IGSF21: variants seen among roughly 807,000 people sequenced by gnomAD.
IGSF21 encodes immunoglobulin superfamily member 21.
Under a neutral mutation model 46.8 loss-of-function variants are expected in IGSF21, and 28 were observed. That is an observed-to-expected ratio of 0.60 (90% CI 0.44 to 0.82). The LOEUF (loss-of-function observed/expected upper bound fraction) is 0.82. IGSF21 is among the 40% of genes least tolerant of loss of function. The pLI, the probability that IGSF21 is intolerant of heterozygous loss-of-function variation, is 0.00. For synonymous variants in IGSF21, 284 were observed against 273.6 expected (o/e 1.04, Z -0.38); for missense variants, 624 against 665.5 (o/e 0.94, Z 0.69).
At chr1:18,263,510 G>A (rs192179708) in intron 2 of IGSF21, among the ~76,000 whole-genome samples, 22 of 152,024 alleles carry the variant, frequency 1.4e-4, no homozygotes, top group African/African-American at 3.1e-4. Context: ...TTGGGACTCC[G>A]GTTTTTATTT....
Position 18,136,732 on chromosome 1 carries a change from C to T in IGSF21, c.70+28534C>T, listed in dbSNP as rs565853158. Among the ~76,000 whole-genome samples the T allele has an allele frequency of 1.1e-3, 164 of 152,190 alleles. 1 individual carries two copies. The highest frequency in any genetic ancestry group is 3.5e-3 in the African/African-American group (146 of 41,522). ...TTCTTTTGGCTTAGGATTGACTTGG[C>T]GATGCGGGCTCTTTTTTGGTTCCAT... On this transcript the variant is annotated intron_variant, in intron 1 of 9. Transcript: ENST00000251296.
At chr1:18,154,842 C>T (rs1432592582) in intron 1 of IGSF21, among the ~76,000 whole-genome samples, 2 of 151,828 alleles carry the variant, frequency 1.3e-5, no homozygotes, top group Non-Finnish European at 2.9e-5. Flanking sequence ...ACTTCCCTTT[C>T]ACTTCCCTAG....
chr1:18,358,032 A>G (rs936536936), intron 4 of IGSF21, among the ~76,000 whole-genome samples: 1 of 136,438 alleles, frequency 7.3e-6, no homozygotes, highest in Admixed American at 6.9e-5. Flanking sequence ...GCAGATCTCC[A>G]GAGAGAGAGA....
chr1:18,180,884 A>T (rs1249803260), intron 1 of IGSF21, among the ~76,000 whole-genome samples: 1 of 152,212 alleles, frequency 6.6e-6, no homozygotes, highest in Admixed American at 6.5e-5. Flanking sequence ...TTGTGGTAAG[A>T]GGCGGATCAG....
chr1:18,247,004 G>A (rs558922875), intron 2 of IGSF21, among the ~76,000 whole-genome samples: 9 of 151,982 alleles, frequency 5.9e-5, no homozygotes, highest in Admixed American at 3.3e-4. Flanking sequence ...AAACTGAGGC[G>A]CAGAGACGTG....
intron 6 of IGSF21, among the ~76,000 whole-genome samples, chr1:18,372,544 G>GGATGGATGGATGGATGTTTT (rs2086234969): frequency 6.6e-6 from 1 of 151,236 alleles, no homozygotes; most frequent in Non-Finnish European, 1.5e-5. Context: ...ATGGATGGAT[G>GGATGGATGGATGGATGTTTT]GATGGATGGA....
chr1:18,287,073 T>C (rs912453897), intron 2 of IGSF21, among the ~76,000 whole-genome samples: 2 of 150,414 alleles, frequency 1.3e-5, no homozygotes, highest in South Asian at 2.1e-4. Context: ...CCCAGCTACT[T>C]GGGAGGCTGA....
chr1:18,364,494 G>GC (rs1370384481), intron 5 of IGSF21, among the ~76,000 whole-genome samples: 5 of 133,594 alleles, frequency 3.7e-5, no homozygotes, highest in African/African-American at 1.1e-4. Context: ...TCCCTCTCCC[G>GC]CCCCCCTATC....
intron 1 of IGSF21, among the ~76,000 whole-genome samples, chr1:18,184,061 T>C (rs1311119188): frequency 1.3e-5 from 2 of 151,908 alleles, no homozygotes; most frequent in African/African-American, 2.4e-5. Flanking sequence ...GGTTCTGGAG[T>C]CTGGGTTCAC....
intron 3 of IGSF21, among the ~76,000 whole-genome samples, chr1:18,315,577 G>GGATGGATGGATGGA (rs1557639960): frequency 8.4e-5 from 2 of 23,840 alleles, no homozygotes; most frequent in Admixed American, 3.9e-4. Flanking sequence ...GGATGGATGG[G>GGATGGATGGATGGA]TGGATGGGTA....
At chr1:18,267,709 G>T (rs1053522468) in intron 2 of IGSF21, among the ~76,000 whole-genome samples, 8 of 152,178 alleles carry the variant, frequency 5.3e-5, no homozygotes, top group Non-Finnish European at 1.2e-4. Flanking sequence ...TGCTTTCCTT[G>T]GACCATGCCT....
At chr1:18,248,766 T>G (rs1004246347) in intron 2 of IGSF21, among the ~76,000 whole-genome samples, 8 of 152,124 alleles carry the variant, frequency 5.3e-5, no homozygotes, top group Admixed American at 2.0e-4. Context: ...GGCCCTGTGC[T>G]AGTTGCTGAG....
chr1:18,213,545 A>G (rs2084413212), intron 1 of IGSF21, among the ~76,000 whole-genome samples: 1 of 152,174 alleles, frequency 6.6e-6, no homozygotes, highest in African/African-American at 2.4e-5. Flanking sequence ...GCCAAGCAGG[A>G]AAGTCATATT....
intron 1 of IGSF21, among the ~76,000 whole-genome samples, chr1:18,146,623 G>A (rs188918607): frequency 2.1e-3 from 326 of 152,276 alleles, no homozygotes; most frequent in African/African-American, 7.1e-3. Flanking sequence ...TAGTAGGAGA[G>A]GAACTGAGCG....
At chr1:18,279,716 G>A (rs1034693416) in intron 2 of IGSF21, among the ~76,000 whole-genome samples, 3 of 152,240 alleles carry the variant, frequency 2.0e-5, no homozygotes, top group Non-Finnish European at 2.9e-5. Context: ...CCCAGGAACA[G>A]CCGGCAGATG....
At chr1:18,278,914 G>A (rs775240131) in intron 2 of IGSF21, 1 of 471,582 alleles carries the variant, frequency 2.1e-6, no homozygotes, top group Non-Finnish European at 4.4e-6. Flanking sequence ...TTGCCTTAAA[G>A]ATTTTTACAC....
intron 2 of IGSF21, among the ~76,000 whole-genome samples, chr1:18,241,503 A>T (rs2084727568): frequency 6.6e-6 from 1 of 152,068 alleles, no homozygotes; most frequent in Non-Finnish European, 1.5e-5. Flanking sequence ...AAACTTCAAA[A>T]CCCAACTCTC....
At chr1:18,277,333 C>T (rs186254936) in intron 2 of IGSF21, among the ~76,000 whole-genome samples, 277 of 152,268 alleles carry the variant, frequency 1.8e-3, no homozygotes, top group Non-Finnish European at 2.4e-3. Flanking sequence ...GTGCCAGGCA[C>T]GGAGCACTTG....
chr1:18,217,053 A>T (rs553777782), intron 1 of IGSF21, among the ~76,000 whole-genome samples: 6 of 152,110 alleles, frequency 3.9e-5, no homozygotes, highest in Non-Finnish European at 7.4e-5. Flanking sequence ...CGAGGAATTT[A>T]TGTGGCCCTG....
Sources: allele counts gnomAD v4.1 joint callset (sites outside exome capture counted in the v4.1 genomes callset), GRCh38; gene constraint gnomAD v4.1.1; transcripts MANE v1.5; gene names NCBI Gene and HGNC (gene_info 2026-07-23, HGNC 2026-07-21).